The following TUBA3D variants were observed in gnomAD, a reference collection of about 807,000 sequenced individuals.
TUBA3D encodes tubulin alpha 3d, also known as tubulin alpha-3D chain.
In TUBA3D, 24 loss-of-function variants were observed where a neutral mutation model predicts 36.1. The observed-to-expected ratio is 0.66, with a 90% confidence interval of 0.48 to 0.93. TUBA3D has a LOEUF of 0.93. Ranked by LOEUF, TUBA3D falls within the 40% of genes least tolerant of loss-of-function variation. The pLI, the probability that TUBA3D is intolerant of heterozygous loss-of-function variation, is 0.00. For synonymous variants in TUBA3D, 185 were observed against 247.2 expected (o/e 0.75, Z 2.36); for missense variants, 356 against 614.5 (o/e 0.58, Z 4.45).
chr2:131,477,038 T>TCTTTTC (rs1678698728), intron 1 of TUBA3D, among the ~76,000 whole-genome samples: 1 of 141,208 alleles, frequency 7.1e-6, no homozygotes, highest in African/African-American at 2.6e-5. Flanking sequence ...TTTTTCTTTC[T>TCTTTTC]TTTTTTTTTT....
chr2:131,476,591 T>C (rs1218883023), intron 1 of TUBA3D, among the ~76,000 whole-genome samples: 2 of 152,086 alleles, frequency 1.3e-5, no homozygotes, highest in African/African-American at 4.8e-5. Context: ...ATTGATCAGA[T>C]GAGGAATTAA....
chr2:131,482,167 G>C (rs2695517), intron 4 of TUBA3D, among the ~76,000 whole-genome samples: 1 of 152,322 alleles, frequency 6.6e-6, no homozygotes, highest in East Asian at 1.9e-4. Context: ...ATAGCATGGG[G>C]AAGAGTTGTG....
intron 4 of TUBA3D, among the ~76,000 whole-genome samples, chr2:131,482,074 G>A (rs1330584742): frequency 6.6e-6 from 1 of 152,212 alleles, no homozygotes; most frequent in African/African-American, 2.4e-5. Flanking sequence ...GCATTCATAT[G>A]ACCCTTGACC....
chr2:131,476,296 A>AG, intron 1 of TUBA3D, 94 bp downstream of exon 1: 1 of 1,596,680 alleles, frequency 6.3e-7, no homozygotes, highest in Non-Finnish European at 8.6e-7. Context: ...CTGGGCGCTG[A>AG]GAGGAGGCCA....
intron 2 of TUBA3D, chr2:131,478,645 C>G (rs540395239): frequency 5.8e-6 from 4 of 687,852 alleles, no homozygotes; most frequent in South Asian, 4.2e-5. Flanking sequence ...TTCCCTCGTG[C>G]GTGCCTCAGC....
chr2:131,479,565 C>T (rs1389903283), intron 3 of TUBA3D, 109 bp downstream of exon 3: 113 of 1,550,592 alleles, frequency 7.3e-5, no homozygotes, highest in Non-Finnish European at 8.9e-5. Context: ...CTTGGCCGGG[C>T]GCGGTGGCTC....
intron 1 of TUBA3D, among the ~76,000 whole-genome samples, chr2:131,476,641 G>T (rs1456278107): frequency 6.6e-6 from 1 of 152,144 alleles, no homozygotes; most frequent in Non-Finnish European, 1.5e-5. Context: ...TTCACCTAAA[G>T]GCAACCGTTA....
chr2:131,481,975 C>G (rs940174069), intron 4 of TUBA3D, among the ~76,000 whole-genome samples: 1 of 152,244 alleles, frequency 6.6e-6, no homozygotes, highest in Non-Finnish European at 1.5e-5. Flanking sequence ...ACTTGGAATG[C>G]TTCCCCTTTG....
chr2:131,481,699 G>A lies in TUBA3D; in HGVS notation c.1057-853G>A, dbSNP rs569171960. 5.3e-5 allele frequency among the ~76,000 whole-genome samples: 8 copies of A among 151,798 alleles called. No individual in the cohort carries two copies. In the South Asian group the frequency reaches 1.7e-3, roughly 32 times the overall value. The stretch of plus-strand genomic sequence containing the variant: ...ATCCACCCGCCTTAGCCTCCCAAGT[G>A]CTGGATTACAGGCACGAGCCACTGC... On this transcript the variant is annotated intron_variant, in intron 4 of 4. Transcript: ENST00000321253.
intron 1 of TUBA3D, among the ~76,000 whole-genome samples, chr2:131,476,812 G>C (rs1367486292): frequency 6.6e-6 from 1 of 151,490 alleles, no homozygotes; most frequent in Non-Finnish European, 1.5e-5. Context: ...ATGCGAGTCT[G>C]TGGTTCCAGC....
At chr2:131,480,907 TTTC>T (rs1678841705) in intron 4 of TUBA3D, among the ~76,000 whole-genome samples, 158 bp downstream of exon 4, 1 of 145,900 alleles carries the variant, frequency 6.9e-6, no homozygotes, top group South Asian at 2.1e-4. Flanking sequence ...GATTCAGTGA[TTTC>T]TTTTTTTTTT....
chr2:131,477,104 C>A (rs1288289340), intron 1 of TUBA3D, among the ~76,000 whole-genome samples: 1 of 151,048 alleles, frequency 6.6e-6, no homozygotes. Flanking sequence ...GTTGCAGGAT[C>A]ACGGCTCCCT....
Position 131,479,379 on chromosome 2 carries a change from G to T in TUBA3D, c.298G>T (p.Ala100Ser). The change falls in exon 3 of 5, where the codon GCC (alanine) becomes TCC (serine). Residue 100 changes from alanine (A) to serine (S), a missense_variant. Physicochemically the swap from Ala to Ser is moderately conservative, Grantham distance 99 (BLOSUM62 1). This residue lies in a region of TUBA3D where 109 missense variants were observed against 153.7 expected (regional missense o/e 0.71). Transcript: ENST00000321253. ...GCTGATCACCGGGAAGGAAGATGCA[G>T]CCAATAATTACGCCAGGGGCCATTA... is the stretch of plus-strand genomic sequence containing the variant. ...EQLITGKEDA[A>S]NNYARGHYTI... 1.2e-6 allele frequency: 2 copies of T among 1,614,196 alleles called. No individual in the cohort carries two copies. The highest frequency in any genetic ancestry group is 1.7e-6 in the Non-Finnish European group (2 of 1,180,042).
At chr2:131,479,109 T>C (rs2313991) in intron 2 of TUBA3D, among the ~76,000 whole-genome samples, 199 bp from the exon 3 acceptor site, 11 of 152,240 alleles carry the variant, frequency 7.2e-5, no homozygotes, top group Admixed American at 3.9e-4. Context: ...AGTTTAACTT[T>C]GTAGAGTCAT....
chr2:131,482,860 G>A lies in TUBA3D; in HGVS notation c.*12G>A. The A allele has an allele frequency of 6.2e-7, 1 of 1,609,662 alleles. No homozygotes were observed. Among genetic ancestry groups the A allele is most frequent in the Non-Finnish European group, 8.5e-7 (1 of 1,176,900 alleles). On this transcript the variant is annotated 3_prime_UTR_variant, in exon 5 of 5. Coordinates refer to ENST00000321253, the MANE Select transcript of TUBA3D (RefSeq NM_080386.4). ...GCGAAGAATACTGAGGGGAGGGTGT[G>A]GTGGGTTCTCCCCTGCCACCCCCGG... is the stretch of plus-strand genomic sequence containing the variant.
chr2:131,480,016 G>A (rs1186144250), intron 3 of TUBA3D, 53 bp from the exon 4 acceptor site: 4 of 1,527,760 alleles, frequency 2.6e-6, no homozygotes, highest in African/African-American at 2.8e-5. Context: ...CTTGTTGGAG[G>A]TTGGTGGTGT....
At chr2:131,477,868 T>C (rs1313983095) in intron 1 of TUBA3D, among the ~76,000 whole-genome samples, 1 of 152,162 alleles carries the variant, frequency 6.6e-6, no homozygotes, top group African/African-American at 2.4e-5. Context: ...TGACGGGCTA[T>C]AATGTGGGGT....
At chr2:131,481,591 C>T (rs1678869239) in intron 4 of TUBA3D, among the ~76,000 whole-genome samples, 1 of 152,078 alleles carries the variant, frequency 6.6e-6, no homozygotes, top group Admixed American at 6.6e-5. Flanking sequence ...CCTGCCACCA[C>T]GCCTGGCTAA....
At chr2:131,481,293 G>C (rs1166840280) in intron 4 of TUBA3D, among the ~76,000 whole-genome samples, 1 of 151,350 alleles carries the variant, frequency 6.6e-6, no homozygotes, top group African/African-American at 2.4e-5. Flanking sequence ...TTTTGAGACA[G>C]GGTCTTGCTT....
Sources: allele counts gnomAD v4.1 joint callset (sites outside exome capture counted in the v4.1 genomes callset), GRCh38; gene constraint gnomAD v4.1.1; regional missense constraint gnomAD v4.1.1; transcripts MANE v1.5; gene names NCBI Gene and HGNC (gene_info 2026-07-23, HGNC 2026-07-21).